MAF: variants seen among roughly 807,000 people sequenced by gnomAD.
The protein encoded by MAF is transcription factor Maf.
A neutral mutation model predicts 22.0 loss-of-function variants in MAF; 10 were observed. The observed-to-expected ratio is 0.45, with a 90% CI of 0.28 to 0.77. The LOEUF is 0.77. Among genes scored for constraint, MAF ranks in the 30% least tolerant of loss-of-function variants. MAF has a pLI of 0.12. For synonymous variants in MAF, 337 were observed against 255.8 expected, an observed-to-expected ratio of 1.32 and a Z score of -3.03; for missense variants, 544 against 548.4, an observed-to-expected ratio of 0.99 and a Z score of 0.08.
the MAF span, among the ~76,000 whole-genome samples, chr16:79,330,625 G>A: frequency 3.9e-3 from 590 of 152,308 alleles, 2 homozygotes; most frequent in Non-Finnish European, 6.4e-3. Flanking sequence ...AACCTGTATT[G>A]AAGATGTTCT....
chr16:79,537,242 A>G, the MAF span, among the ~76,000 whole-genome samples: 1 of 152,178 alleles, frequency 6.6e-6, no homozygotes, highest in Admixed American at 6.5e-5. Flanking sequence ...CCAACCTCGA[A>G]GTTTCCTGGT....
At chr16:79,479,988 A>G in the MAF span, among the ~76,000 whole-genome samples, 3 of 152,166 alleles carry the variant, frequency 2.0e-5, no homozygotes, top group Admixed American at 1.3e-4. Flanking sequence ...CTGCTGGTGA[A>G]AAAGGATACC....
the MAF span, among the ~76,000 whole-genome samples, chr16:79,250,898 C>G: frequency 5.3e-5 from 8 of 152,228 alleles, no homozygotes; most frequent in Admixed American, 5.2e-4. Flanking sequence ...GGGACAGTCC[C>G]AAGCAGACTG....
chr16:79,315,466 A>G, the MAF span, among the ~76,000 whole-genome samples: 12 of 152,372 alleles, frequency 7.9e-5, no homozygotes, highest in South Asian at 2.3e-3. Flanking sequence ...ACTTCTACCA[A>G]TGAGAGCATC....
chr16:79,525,164 C>T, the MAF span, among the ~76,000 whole-genome samples: 1 of 152,072 alleles, frequency 6.6e-6, no homozygotes, highest in Non-Finnish European at 1.5e-5. Context: ...CGGATTTCAT[C>T]GCTCTTGCAA....
chr16:79,589,437 C>G (rs957696995), downstream of MAF, among the ~76,000 whole-genome samples: 1 of 152,070 alleles, frequency 6.6e-6, no homozygotes, highest in Non-Finnish European at 1.5e-5. Context: ...CTGGATTTCC[C>G]GCTTGCCTTT....
the MAF span, among the ~76,000 whole-genome samples, chr16:79,309,287 G>A: frequency 2.0e-5 from 3 of 152,114 alleles, no homozygotes; most frequent in African/African-American, 7.2e-5. Flanking sequence ...GCTTGCAAGC[G>A]CCTTGTTATA....
the MAF span, among the ~76,000 whole-genome samples, chr16:79,295,752 G>A: frequency 6.6e-6 from 1 of 152,236 alleles, no homozygotes; most frequent in Non-Finnish European, 1.5e-5. Flanking sequence ...GGGCTTCCCT[G>A]TGTGTCAGGC....
the MAF span, among the ~76,000 whole-genome samples, chr16:79,507,632 A>G: frequency 4.0e-5 from 6 of 151,754 alleles, no homozygotes; most frequent in Admixed American, 1.3e-4. Flanking sequence ...TCACTATGTT[A>G]GCCAGGATGG....
At chr16:79,375,482 T>C in the MAF span, among the ~76,000 whole-genome samples, 2 of 152,058 alleles carry the variant, frequency 1.3e-5, no homozygotes, top group African/African-American at 4.8e-5. Context: ...GTGATGAAGA[T>C]GATGAAGATA....
the MAF span, among the ~76,000 whole-genome samples, chr16:79,575,528 G>C: frequency 1.3e-5 from 2 of 152,170 alleles, no homozygotes; most frequent in African/African-American, 4.8e-5. Flanking sequence ...TTGGAGCTTA[G>C]AGACTCTAGC....
the MAF span, among the ~76,000 whole-genome samples, chr16:79,332,267 T>C: frequency 6.6e-6 from 1 of 152,302 alleles, no homozygotes; most frequent in African/African-American, 2.4e-5. Flanking sequence ...CTACTGCCCC[T>C]AGGTAAGATT....
At chr16:79,533,971 C>T in the MAF span, among the ~76,000 whole-genome samples, 1 of 152,312 alleles carries the variant, frequency 6.6e-6, no homozygotes, top group East Asian at 1.9e-4. Context: ...TTCATGCCCT[C>T]CTGTTCATGC....
the MAF span, among the ~76,000 whole-genome samples, chr16:79,226,870 C>G: frequency 0.065 from 9,933 of 152,094 alleles, 490 homozygotes; most frequent in Middle Eastern, 0.14. Flanking sequence ...TATAGCACGG[C>G]TGTGAGCTGA....
At chr16:79,309,232 C>A in the MAF span, among the ~76,000 whole-genome samples, 1 of 152,128 alleles carries the variant, frequency 6.6e-6, no homozygotes, top group East Asian at 1.9e-4. Context: ...CCTGTTAATT[C>A]GGAGACTGGC....
chr16:79,205,871 C>T, the MAF span: 1 of 152,152 alleles, frequency 6.6e-6, no homozygotes, highest in Non-Finnish European at 1.5e-5. Flanking sequence ...GAGCCCGCAC[C>T]TACATGCGTG....
At chr16:79,536,303 T>C in the MAF span, among the ~76,000 whole-genome samples, 2 of 152,214 alleles carry the variant, frequency 1.3e-5, no homozygotes. Context: ...TCCATATTTG[T>C]GGGCTCCCCA....
In MAF at chr16:79,599,067, CGCAGCTGCCG is replaced by C; in HGVS notation, c.826_835del (p.Arg276AlafsTer8). 6.2e-7 allele frequency: 1 copy of C among 1,611,426 alleles called. No homozygotes were observed. The highest frequency in any genetic ancestry group is 1.7e-5 in the Admixed American group (1 of 59,984). On this transcript the variant is annotated frameshift_variant, in exon 1 of 2. Transcript: ENST00000326043. LOFTEE classifies it high-confidence loss of function. ...GATCACCTCCTCCTTGCTGACCCCGCGCAGCTGCCGGTTCAGCTCGCGCACAGACATGGTC... is the reference window on the plus strand; with the variant it reads ...GATCACCTCCTCCTTGCTGACCCCGCGTTCAGCTCGCGCACAGACATGGTC...
At chr16:79,399,315 T>C in the MAF span, among the ~76,000 whole-genome samples, 2 of 152,176 alleles carry the variant, frequency 1.3e-5, no homozygotes, top group South Asian at 2.1e-4. Context: ...CAACTATATA[T>C]TAAGTGCTCA....
Sources: gnomAD v4.1 joint callset for allele counts (sites outside exome capture counted in the v4.1 genomes callset) on GRCh38, gnomAD v4.1.1 for gene constraint, MANE v1.5 for transcripts, NCBI Gene and HGNC (gene_info 2026-07-23, HGNC 2026-07-21) for gene names.